Variants in FGF14 observed in about 807,000 individuals in gnomAD.
FGF14 encodes fibroblast growth factor homologous factor 4.
FGF14 carries 5 observed loss-of-function variants against 25.5 expected under a neutral mutation model. The ratio of observed to expected loss-of-function variants is 0.20; its 90% confidence interval spans 0.10 to 0.41. The LOEUF is 0.41. FGF14 is among the 10% of genes least tolerant of loss of function. FGF14 has a pLI of 1.00. For synonymous variants in FGF14, 138 were observed against 118.3 expected, an observed-to-expected ratio of 1.17 and a Z score of -1.08; for missense variants, 222 against 320.1, an observed-to-expected ratio of 0.69 and a Z score of 2.34.
chr13:101,873,532 C>A (rs1200549863), intron 2 of FGF14, among the ~76,000 whole-genome samples: 2 of 152,098 alleles, frequency 1.3e-5, no homozygotes, highest in South Asian at 2.1e-4. Flanking sequence ...CCAGGCCAAA[C>A]AAAATGAGAG....
In FGF14 at chr13:102,020,158, G is replaced by C. The variant is rs74108962; in HGVS notation, c.209-144862C>G. On this transcript the variant is annotated intron_variant, in intron 1 of 4. Transcript: ENST00000376131. ...GGATGGGATTTGGAGGGAGTGTGGAGGAAATGGGCTTATTTGAGGGAGGGA... is the reference window on the plus strand; with the variant it reads ...GGATGGGATTTGGAGGGAGTGTGGACGAAATGGGCTTATTTGAGGGAGGGA... Among the ~76,000 whole-genome samples the C allele has an allele frequency of 2.0e-5, 3 of 152,076 alleles. No homozygotes were observed. In the South Asian group the frequency reaches 6.2e-4, roughly 32 times the overall value.
rs58627459 is a variant in FGF14, at chr13:101,867,926, ACACACACACG to A, written c.408+789_408+798del. Among the ~76,000 whole-genome samples the A allele has an allele frequency of 1.7e-3, 254 of 148,526 alleles. 1 individual carries two copies. The highest frequency in any genetic ancestry group is 0.016 in the South Asian group (74 of 4,680). ...CACACACACACACACACACACACAC[ACACACACACG>A]CGCACACACACAATATGTGTATATT... On this transcript the variant is annotated intron_variant, in intron 3 of 4. Coordinates refer to ENST00000376143, the MANE Select transcript of FGF14 (RefSeq NM_004115.4).
chr13:102,012,755 T>C (rs1177472751), intron 1 of FGF14, among the ~76,000 whole-genome samples: 1 of 152,136 alleles, frequency 6.6e-6, no homozygotes, highest in African/African-American at 2.4e-5. Flanking sequence ...CTTGTGAGGA[T>C]AGAGAGCAGC....
intron 3 of FGF14, among the ~76,000 whole-genome samples, chr13:101,846,474 C>T (rs755354346): frequency 3.3e-5 from 5 of 152,160 alleles, no homozygotes; most frequent in Non-Finnish European, 7.4e-5. Context: ...ATTGACTACA[C>T]CCTCATTTCA....
intron 1 of FGF14, among the ~76,000 whole-genome samples, chr13:102,122,952 G>A (rs1566714764): frequency 6.6e-6 from 1 of 152,126 alleles, no homozygotes; most frequent in Non-Finnish European, 1.5e-5. Flanking sequence ...GCCTTAGCCT[G>A]CCCTTTACCT....
At chr13:102,387,415 A>G (rs187617168) in intron 1 of FGF14, among the ~76,000 whole-genome samples, 2 of 152,290 alleles carry the variant, frequency 1.3e-5, no homozygotes, top group East Asian at 3.9e-4. Flanking sequence ...ACTAAAACAT[A>G]TGATCAACAC....
At chr13:101,738,510 T>C (rs1056014833) in intron 3 of FGF14, among the ~76,000 whole-genome samples, 4 of 152,274 alleles carry the variant, frequency 2.6e-5, no homozygotes, top group East Asian at 3.9e-4. Context: ...GGCAACAACT[T>C]GTTTGATAAT....
At chr13:102,143,307 G>A (rs963081666) in intron 1 of FGF14, among the ~76,000 whole-genome samples, 5 of 151,972 alleles carry the variant, frequency 3.3e-5, no homozygotes, top group African/African-American at 4.8e-5. Context: ...CTGCTTCCAG[G>A]TGGCAAAATA....
intron 1 of FGF14, among the ~76,000 whole-genome samples, chr13:102,080,823 T>C (rs1354488236): frequency 6.6e-6 from 1 of 152,190 alleles, no homozygotes; most frequent in Non-Finnish European, 1.5e-5. Flanking sequence ...CTTTATTAGA[T>C]TTGTCATATT....
chr13:102,026,152 G>A (rs1056323645), intron 1 of FGF14, among the ~76,000 whole-genome samples: 2 of 151,852 alleles, frequency 1.3e-5, no homozygotes, highest in African/African-American at 4.8e-5. Context: ...TTGTGAAAAG[G>A]TGTTGAATTT....
intron 1 of FGF14, among the ~76,000 whole-genome samples, chr13:101,948,848 AT>A (rs1022433444): frequency 2.5e-4 from 38 of 152,276 alleles, no homozygotes; most frequent in African/African-American, 7.9e-4. Flanking sequence ...TTTGCCTTGA[AT>A]TTTTTAAATA....
intron 1 of FGF14, among the ~76,000 whole-genome samples, chr13:101,947,716 G>C (rs2035902680): frequency 6.6e-6 from 1 of 152,144 alleles, no homozygotes; most frequent in Admixed American, 6.5e-5. Context: ...GGATTGAAAA[G>C]CTACCTACTG....
chr13:101,920,068 G>A (rs114423012), upstream of FGF14, among the ~76,000 whole-genome samples: 1,764 of 152,242 alleles, frequency 0.012, 36 homozygotes, highest in African/African-American at 0.039. Context: ...TCCCCAAAAC[G>A]CTGTTTAGTT....
chr13:101,720,291 C>A lies in FGF14; in HGVS notation c.*2540G>T, dbSNP rs1406139924. 6.6e-6 allele frequency: 1 copy of A among 152,032 alleles called. No individual in the cohort carries two copies. The highest frequency in any genetic ancestry group is 1.5e-5 in the Non-Finnish European group (1 of 67,994). 9.4% of individuals were successfully genotyped at this position (152,032 alleles called of 1,614,324 possible). A position where few individuals can be genotyped will look rare whatever the true frequency, so the allele number is the denominator to read the frequency against. On this transcript the variant is annotated 3_prime_UTR_variant, in exon 5 of 5. Transcript: ENST00000376143. ...CTAACTCAATTACAAATAACAAGGACCCCTCTGCAATATGTCTAAACATAT... is the reference window on the plus strand; with the variant it reads ...CTAACTCAATTACAAATAACAAGGAACCCTCTGCAATATGTCTAAACATAT...
rs548526811 is a variant in FGF14 at position 102,007,968 on chromosome 13, C to G, written c.209-132672G>C. 4.6e-5 allele frequency among the ~76,000 whole-genome samples: 7 copies of G among 152,212 alleles called. No individual in the cohort carries two copies. In the South Asian group the frequency reaches 1.5e-3, roughly 32 times the overall value. The stretch of plus-strand genomic sequence containing the variant: ...ATTGCATTGGAATGGGTGTATAACA[C>G]AACAAGCTTTAGATTGCACTGAGAA... On this transcript the variant is annotated intron_variant, in intron 1 of 4. Transcript: ENST00000376131.
At chr13:101,958,354 C>T (rs1366348550) in intron 1 of FGF14, among the ~76,000 whole-genome samples, 2 of 152,194 alleles carry the variant, frequency 1.3e-5, no homozygotes, top group Non-Finnish European at 2.9e-5. Flanking sequence ...AGTGCCAGCC[C>T]CTGGCAAAAT....
chr13:102,068,305 C>T (rs1339327389), intron 1 of FGF14, among the ~76,000 whole-genome samples: 8 of 152,218 alleles, frequency 5.3e-5, no homozygotes, highest in South Asian at 2.1e-4. Context: ...GAGGTGACAG[C>T]GTGCTGGCAG....
intron 3 of FGF14, among the ~76,000 whole-genome samples, chr13:101,751,582 A>T (rs2037278270): frequency 6.6e-6 from 1 of 152,158 alleles, no homozygotes. Context: ...GACGAAGCAA[A>T]AATGGAATCT....
chr13:102,099,138 G>A (rs1392361714), intron 1 of FGF14, among the ~76,000 whole-genome samples: 1 of 152,134 alleles, frequency 6.6e-6, no homozygotes, highest in East Asian at 1.9e-4. Context: ...TCTCAGCTGA[G>A]GGTCTTCTCC....
Sources: gnomAD v4.1 joint callset for allele counts (sites outside exome capture counted in the v4.1 genomes callset) on GRCh38, gnomAD v4.1.1 for gene constraint, MANE v1.5 for transcripts, NCBI Gene and HGNC (gene_info 2026-07-23, HGNC 2026-07-21) for gene names.